DMD: variants seen among roughly 807,000 people sequenced by gnomAD.
The protein encoded by DMD is dystrophin.
DMD carries 63 observed loss-of-function variants against 330.1 expected under a neutral mutation model. The observed-to-expected ratio is 0.19, with a 90% CI of 0.16 to 0.24. DMD has a LOEUF of 0.24. Among genes scored for constraint, DMD ranks in the 10% least tolerant of loss-of-function variants. DMD has a pLI of 1.00. For synonymous variants in DMD, 1,223 were observed against 959.8 expected, an observed-to-expected ratio of 1.27 and a Z score of -5.07; for missense variants, 3,344 against 2,684.1, an observed-to-expected ratio of 1.25 and a Z score of -5.43.
intron 43 of DMD, among the ~76,000 whole-genome samples, chrX:32,286,046 T>C (rs1027537786): frequency 9.0e-6 from 1 of 110,505 alleles, no homozygotes; most frequent in African/African-American, 3.3e-5. Context: ...AAAGGGGAAA[T>C]ATTCTCAGGT....
intron 7 of DMD, among the ~76,000 whole-genome samples, chrX:32,725,784 G>T (rs1173112041): frequency 9.0e-6 from 1 of 110,866 alleles, no homozygotes; most frequent in Non-Finnish European, 1.9e-5. Context: ...GCACAGCAAG[G>T]TGACTATACT....
intron 17 of DMD, among the ~76,000 whole-genome samples, chrX:32,535,083 C>T (rs189685576): frequency 9.9e-5 from 11 of 111,407 alleles, no homozygotes; most frequent in East Asian, 2.8e-4. Flanking sequence ...TAAATGTAAA[C>T]GTTCTTCAAG....
intron 44 of DMD, among the ~76,000 whole-genome samples, chrX:32,188,829 G>A (rs1325163758): frequency 9.1e-6 from 1 of 110,397 alleles, no homozygotes; most frequent in Non-Finnish European, 1.9e-5. Flanking sequence ...CACATCAAAA[G>A]CATTCTGATT....
chrX:32,287,541 T>C lies in DMD; in HGVS notation c.6278A>G (p.Lys2093Arg). ...ATGTGTTACCTACCCTTGTCGGTCC[T>C]TGTACATTTTGTTAACTTTTTCCCA... is the stretch of plus-strand genomic sequence containing the variant. ...FQWEKVNKMY[K>R]DRQGRFDRSV... The change falls in exon 43 of 79, where the codon AAG (lysine) becomes AGG (arginine). Residue 2093 changes from lysine (K) to arginine (R), a missense_variant. Transcript: ENST00000357033. The C allele has an allele frequency of 8.3e-7, 1 of 1,210,535 alleles. No individual in the cohort carries two copies. The highest frequency in any genetic ancestry group is 1.1e-6 in the Non-Finnish European group (1 of 894,719).
At chrX:32,697,722 A>C in intron 9 of DMD, 148 bp downstream of exon 9, 1 of 725,514 alleles carries the variant, frequency 1.4e-6, no homozygotes. Flanking sequence ...GCAGAATCAC[A>C]TGAGGGAATC....
intron 11 of DMD, among the ~76,000 whole-genome samples, chrX:32,622,983 T>C (rs1411460264): frequency 8.9e-6 from 1 of 111,822 alleles, no homozygotes; most frequent in Non-Finnish European, 1.9e-5. Flanking sequence ...TTAAGGTATG[T>C]GTTCGATCTA....
intron 2 of DMD, among the ~76,000 whole-genome samples, chrX:33,006,164 T>C (rs1053174386): frequency 8.9e-6 from 1 of 111,738 alleles, no homozygotes; most frequent in Non-Finnish European, 1.9e-5. Flanking sequence ...AAGAAGTCAG[T>C]TCTCCTCAAG....
intron 1 of DMD, among the ~76,000 whole-genome samples, chrX:33,153,502 C>T (rs1011690700): frequency 1.2e-4 from 13 of 112,427 alleles, no homozygotes; most frequent in East Asian, 2.8e-4. Flanking sequence ...CTTAATGTTA[C>T]GCAATTTTTC....
At chrX:32,161,763 A>T (rs1266750492) in intron 44 of DMD, among the ~76,000 whole-genome samples, 2 of 111,853 alleles carry the variant, frequency 1.8e-5, no homozygotes, top group Non-Finnish European at 3.8e-5. Context: ...AGGTATGTGA[A>T]GTGTGTGAAA....
chrX:32,669,224 C>T (rs886675559), intron 9 of DMD, among the ~76,000 whole-genome samples: 2 of 111,442 alleles, frequency 1.8e-5, no homozygotes, highest in African/African-American at 6.5e-5. Context: ...TGTATTATTT[C>T]TTGTTTTCCA....
intron 34 of DMD, 83 bp downstream of exon 34, chrX:32,380,427 G>C: frequency 1.1e-6 from 1 of 872,173 alleles, no homozygotes; most frequent in Non-Finnish European, 1.7e-6. Flanking sequence ...TGCTATTATT[G>C]CTACATGTTA....
rs1334138087 is a variant in DMD, at chrX:33,009,683, TATATGCAC to T, written c.93+10448_93+10455del. 6.8e-5 allele frequency among the ~76,000 whole-genome samples: 3 copies of T among 44,085 alleles called. 1 individual carries two copies. The highest frequency in any genetic ancestry group is 1.7e-4 in the Non-Finnish European group (3 of 17,432). 38.3% of individuals were successfully genotyped at this position (44,085 alleles called of 115,157 possible). On this transcript the variant is annotated intron_variant, in intron 2 of 78. Transcript: ENST00000357033. The stretch of plus-strand genomic sequence containing the variant: ...GTGTATATGTGTATACGTATATGTG[TATATGCAC>T]ATATGTGTGTATACGTATATGTGTA...
chrX:32,531,888 T>G (rs1335125913), intron 17 of DMD, among the ~76,000 whole-genome samples: 1 of 111,931 alleles, frequency 8.9e-6, no homozygotes, highest in African/African-American at 3.2e-5. Flanking sequence ...TATCAGGATA[T>G]TAATTCTGAA....
chrX:33,090,513 T>C (rs1347555281), intron 1 of DMD, among the ~76,000 whole-genome samples: 3 of 109,273 alleles, frequency 2.7e-5, no homozygotes, highest in Non-Finnish European at 5.7e-5. Flanking sequence ...AATCCTTTTA[T>C]ATACTGGGTC....
intron 76 of DMD, among the ~76,000 whole-genome samples, chrX:31,135,517 G>A (rs2035109870): frequency 9.0e-6 from 1 of 111,723 alleles, no homozygotes; most frequent in African/African-American, 3.2e-5. Flanking sequence ...CAAACATTTT[G>A]ACTGTTTATG....
At chrX:32,674,558 A>T (rs752033530) in intron 9 of DMD, among the ~76,000 whole-genome samples, 4 of 111,092 alleles carry the variant, frequency 3.6e-5, no homozygotes, top group Non-Finnish European at 7.6e-5. Context: ...TCAGTTCTAG[A>T]TATGCGCTCG....
chrX:31,610,824 G>C, intron 55 of DMD, among the ~76,000 whole-genome samples: 1 of 111,514 alleles, frequency 9.0e-6, no homozygotes, highest in Middle Eastern at 4.6e-3. Flanking sequence ...TAGTGATCAT[G>C]GCTCTGATGG....
chrX:33,276,228 G>A (rs34106226), intron 1 of DMD, among the ~76,000 whole-genome samples: 6 of 111,543 alleles, frequency 5.4e-5, no homozygotes, highest in Admixed American at 1.9e-4. Context: ...ATTAACATGC[G>A]TTTAAATTCA....
At chrX:31,591,972 T>A (rs901736444) in intron 55 of DMD, among the ~76,000 whole-genome samples, 7 of 110,664 alleles carry the variant, frequency 6.3e-5, no homozygotes, top group Non-Finnish European at 1.3e-4. Context: ...AAATGCCACC[T>A]CCTCCTCTAA....
Sources: gnomAD v4.1 joint callset for allele counts (sites outside exome capture counted in the v4.1 genomes callset) on GRCh38, gnomAD v4.1.1 for gene constraint, MANE v1.5 for transcripts, NCBI Gene and HGNC (gene_info 2026-07-23, HGNC 2026-07-21) for gene names.